KCNIP4: variants seen among roughly 807,000 people sequenced by gnomAD.
The protein encoded by KCNIP4 is potassium voltage-gated channel interacting protein 4.
KCNIP4 carries 12 observed loss-of-function variants against 34.0 expected under a neutral mutation model. The observed-to-expected ratio is 0.35, with a 90% confidence interval of 0.23 to 0.57. The LOEUF (loss-of-function observed/expected upper bound fraction) is 0.57, where lower values mean the gene tolerates loss of function less well. Among genes scored for constraint, KCNIP4 ranks in the 20% least tolerant of loss-of-function variants. The pLI is 0.83. For synonymous variants in KCNIP4, 124 were observed against 102.2 expected, an observed-to-expected ratio of 1.21 and a Z score of -1.29; for missense variants, 238 against 311.7, an observed-to-expected ratio of 0.76 and a Z score of 1.78.
At chr4:21,884,234 A>G (rs1345244384) in intron 1 of KCNIP4, among the ~76,000 whole-genome samples, 1 of 152,260 alleles carries the variant, frequency 6.6e-6, no homozygotes, top group East Asian at 1.9e-4. Context: ...GTTCTTGGTG[A>G]CAGGCTACTA....
At chr4:21,053,844 G>A (rs563178419) in intron 1 of KCNIP4, among the ~76,000 whole-genome samples, 5 of 152,060 alleles carry the variant, frequency 3.3e-5, no homozygotes, top group Admixed American at 1.3e-4. Context: ...ACAAAACTCC[G>A]ATGAACAAAA....
intron 1 of KCNIP4, among the ~76,000 whole-genome samples, chr4:21,346,723 G>T (rs979132769): frequency 6.6e-6 from 1 of 152,082 alleles, no homozygotes; most frequent in East Asian, 1.9e-4. Flanking sequence ...ATTCTGATGG[G>T]ACTGAGGATT....
chr4:21,757,608 T>G (rs996040669), intron 1 of KCNIP4, among the ~76,000 whole-genome samples: 14 of 152,196 alleles, frequency 9.2e-5, no homozygotes, highest in Non-Finnish European at 1.6e-4. Flanking sequence ...GCCAGAGACT[T>G]GGAATCAACA....
intron 1 of KCNIP4, among the ~76,000 whole-genome samples, chr4:20,909,121 G>A (rs1201471528): frequency 6.6e-6 from 1 of 152,206 alleles, no homozygotes; most frequent in Non-Finnish European, 1.5e-5. Flanking sequence ...CTCTAGATCT[G>A]CTAAGCTAAA....
chr4:21,397,631 T>C (rs1723116456), intron 1 of KCNIP4, among the ~76,000 whole-genome samples: 3 of 152,236 alleles, frequency 2.0e-5, no homozygotes, highest in African/African-American at 7.2e-5. Context: ...TCAGTGTTAA[T>C]AAATATTCTA....
intron 1 of KCNIP4, among the ~76,000 whole-genome samples, chr4:21,090,797 G>A (rs2109043302): frequency 6.6e-6 from 1 of 152,148 alleles, no homozygotes; most frequent in East Asian, 1.9e-4. Context: ...TAGAAGGTTA[G>A]AAATATACAC....
At chr4:21,361,034 G>GTCA (rs34267897) in intron 1 of KCNIP4, among the ~76,000 whole-genome samples, 37 of 151,658 alleles carry the variant, frequency 2.4e-4, no homozygotes, top group African/African-American at 4.6e-4. Context: ...CATCATTATC[G>GTCA]TCATCATCAT....
At chr4:21,673,612 AATAAAT>A (rs1749665535) in intron 1 of KCNIP4, among the ~76,000 whole-genome samples, 1 of 152,194 alleles carries the variant, frequency 6.6e-6, no homozygotes. Flanking sequence ...CTTTTCTGAA[AATAAAT>A]ATAAAAACCA....
intron 1 of KCNIP4, among the ~76,000 whole-genome samples, chr4:21,612,603 T>A (rs1208007331): frequency 6.6e-6 from 1 of 152,226 alleles, no homozygotes; most frequent in Non-Finnish European, 1.5e-5. Context: ...ATTGGCATAC[T>A]CTACATTGGC....
At chr4:20,908,251 C>A (rs527877741) in intron 1 of KCNIP4, among the ~76,000 whole-genome samples, 120 of 152,190 alleles carry the variant, frequency 7.9e-4, no homozygotes, top group Non-Finnish European at 1.4e-3. Flanking sequence ...AGGTGCACAC[C>A]GCCATGCCCA....
intron 1 of KCNIP4, among the ~76,000 whole-genome samples, chr4:21,230,879 A>G (rs1048440590): frequency 2.0e-5 from 3 of 152,208 alleles, no homozygotes; most frequent in African/African-American, 7.2e-5. Flanking sequence ...TTATATACCC[A>G]GTAATAGGAT....
At chr4:21,201,922 C>T (rs1756526276) in intron 1 of KCNIP4, among the ~76,000 whole-genome samples, 1 of 152,160 alleles carries the variant, frequency 6.6e-6, no homozygotes, top group Admixed American at 6.5e-5. Context: ...ATAACTATAT[C>T]CCATCACCCA....
chr4:21,481,352 C>T (rs141435745), intron 1 of KCNIP4, among the ~76,000 whole-genome samples: 97 of 152,236 alleles, frequency 6.4e-4, no homozygotes, highest in Middle Eastern at 3.4e-3. Context: ...GGCAATGCTG[C>T]AGGAATCACT....
At position 21,587,893 on chromosome 4, in the gene KCNIP4, AC is replaced by A. The variant is rs138839553; in HGVS notation, c.61+360677del. 2.6e-3 allele frequency among the ~76,000 whole-genome samples: 392 copies of A among 152,166 alleles called. 2 individuals carry two copies. Among genetic ancestry groups the A allele is most frequent in the African/African-American group, 9.0e-3 (373 of 41,550 alleles). On this transcript the variant is annotated intron_variant, in intron 1 of 8. Coordinates refer to ENST00000382152, the MANE Select transcript of KCNIP4 (RefSeq NM_025221.6). ...TATAGCCCTGTTAAATGCTTACATA[AC>A]CAATGTTTATTTGAGCACCTCCATG...
At chr4:21,282,447 A>G (rs1405968495) in intron 1 of KCNIP4, among the ~76,000 whole-genome samples, 1 of 137,426 alleles carries the variant, frequency 7.3e-6, no homozygotes, top group East Asian at 2.2e-4. Context: ...GACTGGCACC[A>G]AAAGATGTGT....
chr4:21,136,848 T>C lies in KCNIP4; in HGVS notation c.62-254139A>G, dbSNP rs574883983. 1.5e-4 allele frequency among the ~76,000 whole-genome samples: 23 copies of C among 152,268 alleles called. No individual in the cohort carries two copies. The South Asian group carries it at 4.6e-3, about 30-fold the overall frequency. Reference sequence around the variant, plus strand: ...TAATTTCTGTCTTCTGTAGTCACTGTCCCTTTTCCTTGAGAATCTTCCTCA... The same window carrying C: ...TAATTTCTGTCTTCTGTAGTCACTGCCCCTTTTCCTTGAGAATCTTCCTCA... On this transcript the variant is annotated intron_variant, in intron 1 of 8. Transcript: ENST00000382152.
intron 1 of KCNIP4, among the ~76,000 whole-genome samples, chr4:21,709,804 G>A (rs1488505389): frequency 2.6e-5 from 4 of 152,160 alleles, no homozygotes; most frequent in African/African-American, 7.2e-5. Flanking sequence ...GTCTACACCA[G>A]GTTACAATTC....
intron 1 of KCNIP4, among the ~76,000 whole-genome samples, chr4:21,701,109 G>A (rs1275707266): frequency 1.3e-5 from 2 of 152,016 alleles, no homozygotes; most frequent in Non-Finnish European, 2.9e-5. Context: ...GTGATAATAT[G>A]GAAGAAACTC....
At chr4:20,849,761 T>C (rs1054027122) in intron 3 of KCNIP4, among the ~76,000 whole-genome samples, 2 of 152,226 alleles carry the variant, frequency 1.3e-5, no homozygotes, top group Non-Finnish European at 2.9e-5. Flanking sequence ...AAACATTTGA[T>C]GCCTTTAAGG....
Sources: gnomAD v4.1 joint callset for allele counts (sites outside exome capture counted in the v4.1 genomes callset) on GRCh38, gnomAD v4.1.1 for gene constraint, MANE v1.5 for transcripts, NCBI Gene and HGNC (gene_info 2026-07-23, HGNC 2026-07-21) for gene names.